HIBADH: variants seen among roughly 807,000 people sequenced by gnomAD.
HIBADH encodes the protein 3-hydroxyisobutyrate dehydrogenase.
Under a neutral mutation model 36.1 loss-of-function variants are expected in HIBADH, and 25 were observed. The observed-to-expected ratio is 0.69, with a 90% CI of 0.50 to 0.97. The LOEUF (loss-of-function observed/expected upper bound fraction) is 0.97, where lower values mean the gene tolerates loss of function less well. HIBADH is among the 50% of genes least tolerant of loss of function. The pLI is 0.00. For synonymous variants in HIBADH, 160 were observed against 149.5 expected (o/e 1.07, Z -0.51); for missense variants, 421 against 418.0 (o/e 1.01, Z -0.06).
At chr7:27,603,677 C>T (rs1334593319) in intron 4 of HIBADH, among the ~76,000 whole-genome samples, 3 of 152,018 alleles carry the variant, frequency 2.0e-5, no homozygotes, top group African/African-American at 7.2e-5. Flanking sequence ...TCTTTAATAA[C>T]ATGTATAAAG....
intron 4 of HIBADH, among the ~76,000 whole-genome samples, chr7:27,547,295 G>A (rs115005938): frequency 0.013 from 2,008 of 152,246 alleles, 49 homozygotes; most frequent in African/African-American, 0.046. Context: ...TCAGGCCTCT[G>A]TTCAAAATTC....
intron 3 of HIBADH, 35 bp from the exon 4 acceptor site, chr7:27,629,527 ACT>A (rs765548326): frequency 2.8e-6 from 4 of 1,446,154 alleles, no homozygotes; most frequent in Non-Finnish European, 3.7e-6. Flanking sequence ...GTAGTTTACA[ACT>A]CTGAGTAAAA....
At chr7:27,639,440 G>C (rs550694690) in intron 2 of HIBADH, among the ~76,000 whole-genome samples, 1 of 152,098 alleles carries the variant, frequency 6.6e-6, no homozygotes, top group Admixed American at 6.6e-5. Flanking sequence ...ACTACCTGAG[G>C]GGGGAGGGAG....
chr7:27,661,275 T>A (rs370011379), intron 1 of HIBADH, among the ~76,000 whole-genome samples: 1 of 152,162 alleles, frequency 6.6e-6, no homozygotes, highest in Non-Finnish European at 1.5e-5. Flanking sequence ...AGGGGGAGAA[T>A]GGGAAGCTGT....
At chr7:27,649,712 T>G in intron 1 of HIBADH, 79 bp from the exon 2 acceptor site, 1 of 1,335,858 alleles carries the variant, frequency 7.5e-7, no homozygotes, top group South Asian at 1.6e-5. Flanking sequence ...AGCAAGTCAA[T>G]TGTTAGATTT....
chr7:27,651,599 A>G (rs1406862784), intron 1 of HIBADH, among the ~76,000 whole-genome samples: 1 of 152,234 alleles, frequency 6.6e-6, no homozygotes, highest in Non-Finnish European at 1.5e-5. Flanking sequence ...AAACTTCAGC[A>G]ACTAGGAAGA....
chr7:27,646,209 T>A (rs961354544), intron 2 of HIBADH, among the ~76,000 whole-genome samples: 1 of 152,192 alleles, frequency 6.6e-6, no homozygotes, highest in African/African-American at 2.4e-5. Context: ...AGACCAATGA[T>A]CAGTGGCTTG....
intron 1 of HIBADH, among the ~76,000 whole-genome samples, chr7:27,651,928 G>A (rs1317266126): frequency 6.6e-6 from 1 of 152,156 alleles, no homozygotes. Context: ...TATACAAGGG[G>A]TAGGATTTCA....
intron 4 of HIBADH, among the ~76,000 whole-genome samples, chr7:27,577,496 C>A (rs987667513): frequency 6.6e-6 from 1 of 152,112 alleles, no homozygotes; most frequent in Non-Finnish European, 1.5e-5. Context: ...GAATACAAAT[C>A]TTTTTAAAAG....
intron 6 of HIBADH, 31 bp downstream of exon 6, chr7:27,538,308 AAT>A (rs751624694): frequency 6.1e-5 from 91 of 1,499,190 alleles, no homozygotes; most frequent in Non-Finnish European, 7.8e-5. Context: ...AGCCTATAAA[AAT>A]GTTAGTATAA....
In HIBADH at chr7:27,531,315, G is replaced by C. The variant is rs1262692285; in HGVS notation, c.729C>G (p.Ile243Met). 7 of 1,613,358 alleles carry C rather than the reference G, an allele frequency of 4.3e-6. No individual in the cohort carries two copies. In the East Asian group the frequency reaches 1.6e-4, roughly 36 times the overall value. ...LGLDPKLLAK[I>M]LNMSSGRCWS... Reference sequence around the variant, plus strand: ...AACACCGTCCTGAGCTCATATTTAGGATTTTAGCCAGTAGTTTTGGGTCAA... The same window carrying C: ...AACACCGTCCTGAGCTCATATTTAGCATTTTAGCCAGTAGTTTTGGGTCAA... Residue 243 changes from isoleucine (I) to methionine (M), a missense_variant, in exon 7 of 8, where the codon ATC becomes ATG. By Grantham distance (10) the Ile-to-Met change is conservative (BLOSUM62 1). Transcript: ENST00000265395.
intron 4 of HIBADH, among the ~76,000 whole-genome samples, chr7:27,575,906 T>C (rs901613957): frequency 3.3e-5 from 5 of 152,226 alleles, no homozygotes; most frequent in African/African-American, 9.6e-5. Flanking sequence ...GCATGCTTGC[T>C]TATATGCATA....
At chr7:27,606,136 G>T (rs1242452044) in intron 4 of HIBADH, among the ~76,000 whole-genome samples, 1 of 152,034 alleles carries the variant, frequency 6.6e-6, no homozygotes, top group Admixed American at 6.5e-5. Context: ...TTATACCAAA[G>T]ATTTACTTTT....
At chr7:27,592,272 G>A (rs1583585775) in intron 4 of HIBADH, among the ~76,000 whole-genome samples, 4 of 152,238 alleles carry the variant, frequency 2.6e-5, no homozygotes, top group Admixed American at 2.6e-4. Flanking sequence ...ATGATCTTGA[G>A]GTCCCTGAGG....
chr7:27,650,230 T>G (rs1786157239), intron 1 of HIBADH, among the ~76,000 whole-genome samples: 1 of 151,274 alleles, frequency 6.6e-6, no homozygotes, highest in Admixed American at 6.6e-5. Flanking sequence ...TGGAAAAACT[T>G]TTTACCTTCC....
In HIBADH at chr7:27,564,624, G is replaced by A. The variant is rs1784517884; in HGVS notation, c.485-21524C>T. Among the ~76,000 whole-genome samples, 3 of 152,086 alleles carry A rather than the reference G, an allele frequency of 2.0e-5. No individual in the cohort carries two copies. The South Asian group carries it at 6.2e-4, about 32-fold the overall frequency. On this transcript the variant is annotated intron_variant, in intron 4 of 7. Coordinates refer to ENST00000265395, the MANE Select transcript of HIBADH (RefSeq NM_152740.4). ...AACTTTATTAATCACATTCAAAATT[G>A]CTTTGGTTATTTTAGTTATTTTGTT...
chr7:27,538,722 ACAAT>A (rs1440253986), intron 5 of HIBADH, among the ~76,000 whole-genome samples: 1 of 152,136 alleles, frequency 6.6e-6, no homozygotes, highest in Non-Finnish European at 1.5e-5. Context: ...GATGGAACTT[ACAAT>A]CTAATTGGAA....
At chr7:27,588,048 T>C (rs1336182462) in intron 4 of HIBADH, among the ~76,000 whole-genome samples, 1 of 152,260 alleles carries the variant, frequency 6.6e-6, no homozygotes, top group African/African-American at 2.4e-5. Context: ...CAGTGATATC[T>C]GGACATCAGT....
intron 4 of HIBADH, among the ~76,000 whole-genome samples, chr7:27,573,514 A>C (rs146780061): frequency 9.9e-4 from 151 of 152,342 alleles, no homozygotes; most frequent in African/African-American, 2.3e-3. Context: ...TTATTCTAAC[A>C]AAGTGGCTGA....
Sources: allele counts gnomAD v4.1 joint callset (sites outside exome capture counted in the v4.1 genomes callset), GRCh38; gene constraint gnomAD v4.1.1; transcripts MANE v1.5; gene names NCBI Gene and HGNC (gene_info 2026-07-23, HGNC 2026-07-21).